Variants in ANKS1A observed in about 807,000 individuals in gnomAD.
The protein encoded by ANKS1A is ankyrin repeat and SAM domain-containing protein 1A.
In ANKS1A, 55 loss-of-function variants were observed where a neutral mutation model predicts 120.3. That is an observed-to-expected ratio of 0.46 (90% CI 0.37 to 0.57). ANKS1A has a LOEUF of 0.57. Among genes scored for constraint, ANKS1A ranks in the 20% least tolerant of loss-of-function variants. The probability of loss-of-function intolerance (pLI) is 0.00; values close to 1 mark genes in which losing one functional copy is unlikely to be tolerated. For missense variants in ANKS1A, 1,123 were observed against 1,480.3 expected, an observed-to-expected ratio of 0.76 and a Z score of 3.96; for synonymous variants, 590 against 604.7, an observed-to-expected ratio of 0.98 and a Z score of 0.36.
intron 2 of ANKS1A, among the ~76,000 whole-genome samples, chr6:34,967,732 T>G (rs1298005685): frequency 6.6e-6 from 1 of 151,964 alleles, no homozygotes; most frequent in Non-Finnish European, 1.5e-5. Flanking sequence ...TGCTAAGCGG[T>G]GGCACTGAGA....
chr6:34,899,644 A>G (rs1220841405), intron 1 of ANKS1A, among the ~76,000 whole-genome samples: 1 of 152,240 alleles, frequency 6.6e-6, no homozygotes, highest in Non-Finnish European at 1.5e-5. Context: ...AAAGATTACA[A>G]AACAAATCAG....
chr6:35,066,167 A>G (rs1776764977), intron 13 of ANKS1A, among the ~76,000 whole-genome samples: 2 of 152,218 alleles, frequency 1.3e-5, no homozygotes, highest in African/African-American at 4.8e-5. Flanking sequence ...CGAAGAGGAC[A>G]CAGTGTTATG....
At chr6:35,094,569 C>T (rs1359352048), downstream of ANKS1A, among the ~76,000 whole-genome samples, 3 of 151,584 alleles carry the variant, frequency 2.0e-5, no homozygotes, top group Non-Finnish European at 4.4e-5. Context: ...AAGAAAAAGT[C>T]AAATGTCTGA....
At chr6:35,078,981 T>C (rs1777515603) in intron 14 of ANKS1A, among the ~76,000 whole-genome samples, 1 of 152,086 alleles carries the variant, frequency 6.6e-6, no homozygotes, top group Non-Finnish European at 1.5e-5. Flanking sequence ...CCCTTCATGG[T>C]CTCTCTGGCT....
At chr6:35,039,994 C>T (rs1323565699) in intron 11 of ANKS1A, among the ~76,000 whole-genome samples, 1 of 152,212 alleles carries the variant, frequency 6.6e-6, no homozygotes, top group African/African-American at 2.4e-5. Flanking sequence ...GTATCTCCCT[C>T]TTCTATATAA....
In ANKS1A at chr6:35,088,873, C is replaced by T; in HGVS notation, c.*264C>T. On this transcript the variant is annotated 3_prime_UTR_variant, in exon 24 of 24. Transcript: ENST00000360359. The stretch of plus-strand genomic sequence containing the variant: ...GTCAAGAAGTGACTTGTTCAGAACA[C>T]ATTGTTTTTAACAGAAAAAAAATCT... The T allele has an allele frequency of 1.2e-5, 17 of 1,420,212 alleles. No homozygotes were observed. The highest frequency in any genetic ancestry group is 1.5e-5 in the Non-Finnish European group (16 of 1,090,976). The allele number at this position is 1,420,212 out of a possible 1,614,324, so 88.0% of individuals were successfully genotyped here.
rs1328478013 is a variant in ANKS1A, at chr6:35,067,885, AATT to A, written c.2184+7633_2184+7635del. 3.0e-3 allele frequency among the ~76,000 whole-genome samples: 350 copies of A among 115,862 alleles called. 7 individuals carry two copies. The highest frequency in any genetic ancestry group is 7.6e-3 in the African/African-American group (251 of 33,188). 76.0% of individuals were successfully genotyped at this position (115,862 alleles called of 152,430 possible). A position where few individuals can be genotyped will look rare whatever the true frequency, so the allele number is the denominator to read the frequency against. On this transcript the variant is annotated intron_variant, in intron 13 of 23. Coordinates refer to ENST00000360359, the MANE Select transcript of ANKS1A (RefSeq NM_015245.3). ...ACATTTTTCTTTGTACTTCATTTTC[AATT>A]TTTTTTTTTTTTTTTTTTTGAGACG...
intron 1 of ANKS1A, among the ~76,000 whole-genome samples, chr6:34,924,340 G>A (rs1468170405): frequency 6.6e-6 from 1 of 152,130 alleles, no homozygotes; most frequent in Non-Finnish European, 1.5e-5. Context: ...TCATAAAAAA[G>A]TTGAAGATTT....
Position 35,088,626 on chromosome 6 carries a change from A to T in ANKS1A, c.*17A>T. The T allele has an allele frequency of 1.2e-6, 2 of 1,614,122 alleles. No individual in the cohort carries two copies. The highest frequency in any genetic ancestry group is 1.7e-6 in the Non-Finnish European group (2 of 1,180,006). On this transcript the variant is annotated 3_prime_UTR_variant, in exon 24 of 24. Transcript: ENST00000360359. ...CCAAGCTGAGCCACTGAGGAACCAC[A>T]CTGTGCTGCGGAAACATAGACGTGG...
rs1232741782 is a variant in ANKS1A, at chr6:35,057,641, T to C, written c.2078-2506T>C. Among the ~76,000 whole-genome samples, 1 of 152,214 alleles carries C rather than the reference T, an allele frequency of 6.6e-6. No individual in the cohort carries two copies. Among genetic ancestry groups the C allele is most frequent in the Non-Finnish European group, 1.5e-5 (1 of 68,032 alleles). The stretch of plus-strand genomic sequence containing the variant: ...TTTCCCCCTTGCCCTTGGCCATCGC[T>C]GTCCTCCCCCAGAGTGTGAGTGGCC... On this transcript the variant is annotated intron_variant, in intron 12 of 23. Transcript: ENST00000360359. This position sits in a 1 kb window ranked among gnomAD's most constrained non-coding sequence, Gnocchi z 4.1.
rs769600178 is a variant in ANKS1A at position 34,981,991 on chromosome 6, C to G, written c.732+5C>G. On this transcript the variant is annotated splice_donor_5th_base_variant and intron_variant, in intron 4 of 23. Transcript: ENST00000360359. Reference sequence around the variant, plus strand: ...GGCATGGACAGCAACTACCAGGTAGCAGGGCGGGTGGGGGCTCCTCCAATC... The same window carrying G: ...GGCATGGACAGCAACTACCAGGTAGGAGGGCGGGTGGGGGCTCCTCCAATC... The G allele has an allele frequency of 6.2e-7, 1 of 1,613,308 alleles. No homozygotes were observed. The highest frequency in any genetic ancestry group is 1.3e-5 in the African/African-American group (1 of 75,044).
chr6:35,042,144 C>A (rs1430744556), intron 11 of ANKS1A, among the ~76,000 whole-genome samples: 3 of 152,052 alleles, frequency 2.0e-5, no homozygotes, highest in Non-Finnish European at 4.4e-5. Context: ...AAAATATGTT[C>A]TTTGGAATTT....
At chr6:35,004,724 G>A (rs901742507) in intron 10 of ANKS1A, among the ~76,000 whole-genome samples, 2 of 151,974 alleles carry the variant, frequency 1.3e-5, no homozygotes, top group African/African-American at 2.4e-5. Flanking sequence ...AGACCAACCT[G>A]GCAACATAGT....
At position 35,082,687 on chromosome 6, in the gene ANKS1A, GCAGGAGGAGCA is replaced by G; in HGVS notation, c.2710-2_2718del. 6.2e-7 allele frequency: 1 copy of G among 1,606,526 alleles called. No homozygotes were observed. Among genetic ancestry groups the G allele is most frequent in the Non-Finnish European group, 8.5e-7 (1 of 1,176,274 alleles). On this transcript the variant is annotated splice_acceptor_variant and splice_polypyrimidine_tract_variant and coding_sequence_variant and intron_variant, in exon 18 of 24. Transcript: ENST00000360359. LOFTEE classifies it high-confidence loss of function. The surrounding 1 kb of genome is among the most constrained non-coding windows in gnomAD (Gnocchi z 4.1). ...GCAGGTGTCCAATTGCGTGTGTTTC[GCAGGAGGAGCA>G]CCGTGAGGCCAAGCTGACCCTGCGG...
intron 3 of ANKS1A, among the ~76,000 whole-genome samples, chr6:34,976,655 A>G (rs1325429588): frequency 1.3e-5 from 2 of 151,962 alleles, no homozygotes; most frequent in African/African-American, 4.8e-5. Flanking sequence ...AAAACTTTTT[A>G]TTAAAAAAAA....
intron 3 of ANKS1A, among the ~76,000 whole-genome samples, chr6:34,977,908 GT>G (rs768584839): frequency 6.6e-6 from 1 of 152,124 alleles, no homozygotes; most frequent in Non-Finnish European, 1.5e-5. Context: ...GCACTAGGAG[GT>G]GATAGTCCTG....
chr6:35,090,528 G>T lies in ANKS1A; in HGVS notation c.*1919G>T. On this transcript the variant is annotated 3_prime_UTR_variant, in exon 24 of 24. Coordinates refer to ENST00000360359, the MANE Select transcript of ANKS1A (RefSeq NM_015245.3). ...TGCTATATCATCTTTATTTATTCAG[G>T]GTATTTTCATATTGGAAGCCTTGGC... The T allele has an allele frequency of 9.6e-7, 1 of 1,038,494 alleles. No individual in the cohort carries two copies. Among genetic ancestry groups the T allele is most frequent in the Non-Finnish European group, 1.2e-6 (1 of 861,962 alleles). 64.3% of individuals were successfully genotyped at this position (1,038,494 alleles called of 1,614,324 possible).
At chr6:34,901,585 A>G (rs1045575003) in intron 1 of ANKS1A, among the ~76,000 whole-genome samples, 4 of 152,194 alleles carry the variant, frequency 2.6e-5, no homozygotes, top group African/African-American at 9.7e-5. Flanking sequence ...ATCACAGCTC[A>G]TTGTAACTTC....
intron 11 of ANKS1A, among the ~76,000 whole-genome samples, chr6:35,029,174 A>G (rs1175231043): frequency 1.3e-5 from 2 of 151,482 alleles, no homozygotes; most frequent in Non-Finnish European, 2.9e-5. Flanking sequence ...AAACGTTGTT[A>G]TTGAATTGAT....
Sources: gnomAD v4.1 joint callset for allele counts (sites outside exome capture counted in the v4.1 genomes callset) on GRCh38, gnomAD v4.1.1 for gene constraint, Gnocchi (gnomAD v3.1) non-coding constraint, MANE v1.5 for transcripts, NCBI Gene and HGNC (gene_info 2026-07-23, HGNC 2026-07-21) for gene names.